Variants in RBPJ observed in about 807,000 individuals in gnomAD.
RBPJ encodes the protein recombining binding protein suppressor of hairless.
Under a neutral mutation model 67.8 loss-of-function variants are expected in RBPJ, and 9 were observed. The ratio of observed to expected loss-of-function variants is 0.13; its 90% CI spans 0.08 to 0.23. The LOEUF (loss-of-function observed/expected upper bound fraction) is 0.23. Ranked by LOEUF, RBPJ falls within the 10% of genes least tolerant of loss-of-function variation. The probability of loss-of-function intolerance (pLI) is 1.00; values close to 1 mark genes in which losing one functional copy is unlikely to be tolerated. For synonymous variants in RBPJ, 198 were observed against 203.3 expected (o/e 0.97, Z 0.22); for missense variants, 305 against 595.6 (o/e 0.51, Z 5.08).
intron 4 of RBPJ, among the ~76,000 whole-genome samples, chr4:26,418,138 CTT>C (rs2109795110): frequency 1.3e-5 from 2 of 152,308 alleles, no homozygotes; most frequent in East Asian, 3.9e-4. Flanking sequence ...TGCAGTATCA[CTT>C]TGCAGCATTA....
chr4:26,411,912 C>T lies in RBPJ; in HGVS notation c.156-3563C>T, dbSNP rs1031037883. The stretch of plus-strand genomic sequence containing the variant: ...CACGAGGTCAGGAGATCGAGACCAT[C>T]CTGGCTAACATGGTGAAACCCCATC... On this transcript the variant is annotated intron_variant, in intron 3 of 10. Transcript: ENST00000355476. Among the ~76,000 whole-genome samples, 41 of 151,030 alleles carry T rather than the reference C, an allele frequency of 2.7e-4. 1 individual carries two copies. The highest frequency in any genetic ancestry group is 3.0e-5 in the Non-Finnish European group (2 of 67,768).
chr4:26,332,298 A>G (rs1283038178), intron 1 of RBPJ, among the ~76,000 whole-genome samples: 5 of 151,978 alleles, frequency 3.3e-5, no homozygotes, highest in African/African-American at 9.7e-5. Context: ...CCTTCCTCCC[A>G]TGTATTCAAT....
At chr4:26,234,591 C>T (rs1042973053) in intron 1 of RBPJ, among the ~76,000 whole-genome samples, 3 of 152,184 alleles carry the variant, frequency 2.0e-5, no homozygotes, top group Non-Finnish European at 4.4e-5. Flanking sequence ...CCAGTCTACT[C>T]CACAAACCCT....
At chr4:26,144,114 T>C in the RBPJ span, among the ~76,000 whole-genome samples, 114 of 152,278 alleles carry the variant, frequency 7.5e-4, no homozygotes, top group African/African-American at 2.5e-3. Flanking sequence ...TCTATAAAGT[T>C]TTCATGCAAT....
chr4:26,130,160 C>T, the RBPJ span, among the ~76,000 whole-genome samples: 6 of 152,180 alleles, frequency 3.9e-5, no homozygotes, highest in African/African-American at 2.4e-5. Context: ...CATGCCCAGC[C>T]TCAGAGGGAT....
intron 1 of RBPJ, among the ~76,000 whole-genome samples, chr4:26,326,992 C>G (rs1283222388): frequency 6.6e-6 from 1 of 152,088 alleles, no homozygotes; most frequent in Non-Finnish European, 1.5e-5. Context: ...TGAGTCACCC[C>G]CAGCTTTTTG....
intron 1 of RBPJ, among the ~76,000 whole-genome samples, chr4:26,233,561 G>A (rs138090572): frequency 3.9e-5 from 6 of 152,168 alleles, no homozygotes; most frequent in Non-Finnish European, 8.8e-5. Context: ...TCTCATTTTA[G>A]TTTTCTGTTT....
At chr4:26,334,309 T>C (rs377601556) in intron 1 of RBPJ, among the ~76,000 whole-genome samples, 28 of 152,270 alleles carry the variant, frequency 1.8e-4, no homozygotes, top group African/African-American at 6.5e-4. Context: ...TCCAAGGTGC[T>C]GGGATTACAG....
chr4:26,162,549 A>G (rs998206033), upstream of RBPJ, among the ~76,000 whole-genome samples: 3 of 152,222 alleles, frequency 2.0e-5, no homozygotes, highest in African/African-American at 4.8e-5. Flanking sequence ...AGCTCTAGGC[A>G]CTTCACATGT....
intron 1 of RBPJ, among the ~76,000 whole-genome samples, chr4:26,176,643 C>T (rs1214740869): frequency 6.6e-6 from 1 of 152,238 alleles, no homozygotes; most frequent in Non-Finnish European, 1.5e-5. Flanking sequence ...TGCTTCAGCG[C>T]TTGGAGGCAG....
chr4:26,255,269 T>C (rs1246614538), intron 1 of RBPJ, among the ~76,000 whole-genome samples: 2 of 137,906 alleles, frequency 1.5e-5, no homozygotes, highest in African/African-American at 3.0e-5. Context: ...CCGGGCGTGG[T>C]GGCGGGCGCC....
chr4:26,125,159 C>G, the RBPJ span, among the ~76,000 whole-genome samples: 22 of 152,186 alleles, frequency 1.4e-4, no homozygotes, highest in African/African-American at 5.1e-4. Flanking sequence ...ATCCTATTGG[C>G]CAGAACTTAG....
the RBPJ span, among the ~76,000 whole-genome samples, chr4:26,141,141 T>G: frequency 2.0e-5 from 3 of 152,204 alleles, no homozygotes; most frequent in Non-Finnish European, 2.9e-5. Flanking sequence ...TCCTACCTAC[T>G]TTCTGGGCTG....
At chr4:26,243,133 A>G (rs1241920396) in intron 1 of RBPJ, among the ~76,000 whole-genome samples, 2 of 152,158 alleles carry the variant, frequency 1.3e-5, no homozygotes, top group African/African-American at 4.8e-5. Context: ...AGGCTGAGGC[A>G]GGAAAACAGC....
At chr4:26,201,342 C>G (rs950424526) in intron 1 of RBPJ, among the ~76,000 whole-genome samples, 4 of 152,144 alleles carry the variant, frequency 2.6e-5, no homozygotes, top group African/African-American at 9.7e-5. Context: ...GGTGACATAG[C>G]TGAGTCGGTA....
At chr4:26,426,701 G>A (rs939686408) in intron 7 of RBPJ, among the ~76,000 whole-genome samples, 11 of 152,162 alleles carry the variant, frequency 7.2e-5, no homozygotes, top group African/African-American at 1.9e-4. Context: ...TTTTGAAGTC[G>A]CAGTATTTGA....
intron 1 of RBPJ, among the ~76,000 whole-genome samples, chr4:26,196,131 G>A (rs11931702): frequency 0.79 from 120,844 of 152,156 alleles, 48,747 homozygotes; most frequent in African/African-American, 0.93. Flanking sequence ...TTGTAAGTGA[G>A]TGGTCATAGC....
intron 1 of RBPJ, chr4:26,368,164 G>A (rs1728808953): frequency 6.6e-6 from 1 of 152,194 alleles, no homozygotes; most frequent in African/African-American, 2.4e-5. Flanking sequence ...GATGATGGTT[G>A]CTTGTCTTTG....
chr4:26,419,270 C>T (rs1734893621), intron 4 of RBPJ, among the ~76,000 whole-genome samples: 1 of 152,138 alleles, frequency 6.6e-6, no homozygotes, highest in Non-Finnish European at 1.5e-5. Flanking sequence ...TGAGCCACCA[C>T]CCTGGCCTGT....
Sources: allele counts gnomAD v4.1 joint callset (sites outside exome capture counted in the v4.1 genomes callset), GRCh38; gene constraint gnomAD v4.1.1; transcripts MANE v1.5; gene names NCBI Gene and HGNC (gene_info 2026-07-23, HGNC 2026-07-21).